SCHIP1: variants seen among roughly 807,000 people sequenced by gnomAD.
The protein encoded by SCHIP1 is schwannomin-interacting protein 1.
In SCHIP1, 8 loss-of-function variants were observed where a neutral mutation model predicts 29.7. The observed-to-expected ratio is 0.27, with a 90% CI of 0.16 to 0.49. SCHIP1 has a LOEUF of 0.49. Among genes scored for constraint, SCHIP1 ranks in the 20% least tolerant of loss-of-function variants. The pLI is 0.99. For synonymous variants in SCHIP1, 76 were observed against 94.9 expected (o/e 0.80, Z 1.16); for missense variants, 193 against 294.6 (o/e 0.66, Z 2.52).
the SCHIP1 span, among the ~76,000 whole-genome samples, chr3:159,578,681 TG>T: frequency 4.6e-5 from 7 of 152,174 alleles, no homozygotes; most frequent in Non-Finnish European, 4.4e-5. Context: ...TCTTTGGCTA[TG>T]GCCCCTTTTT....
the SCHIP1 span, among the ~76,000 whole-genome samples, chr3:159,296,827 G>A: frequency 6.6e-6 from 1 of 151,686 alleles, no homozygotes; most frequent in African/African-American, 2.4e-5. Flanking sequence ...AAACAATACA[G>A]CATTATTAAC....
chr3:159,549,270 T>C, the SCHIP1 span, among the ~76,000 whole-genome samples: 3 of 152,280 alleles, frequency 2.0e-5, no homozygotes, highest in East Asian at 5.8e-4. Context: ...CTGGTTGTCC[T>C]TAACTCCGTT....
the SCHIP1 span, among the ~76,000 whole-genome samples, chr3:159,819,285 G>A: frequency 3.3e-5 from 5 of 152,188 alleles, no homozygotes; most frequent in Non-Finnish European, 7.4e-5. Flanking sequence ...TGAAGCTGCT[G>A]TGCCTCTTTT....
At chr3:159,297,182 T>C in the SCHIP1 span, among the ~76,000 whole-genome samples, 40 of 151,102 alleles carry the variant, frequency 2.6e-4, no homozygotes, top group African/African-American at 9.1e-4. Context: ...AATCACCTTT[T>C]CTTTATCCAT....
chr3:159,680,727 TA>T, the SCHIP1 span, among the ~76,000 whole-genome samples: 2 of 92,904 alleles, frequency 2.2e-5, no homozygotes, highest in African/African-American at 9.1e-5. Flanking sequence ...TATGTATATA[TA>T]TAATATACAT....
chr3:159,556,611 C>T, the SCHIP1 span, among the ~76,000 whole-genome samples: 1 of 151,960 alleles, frequency 6.6e-6, no homozygotes, highest in African/African-American at 2.4e-5. Context: ...AGTTCATGTC[C>T]TTTGTAGGGA....
chr3:159,576,716 TCAACTCCCCGACTTATGCCCA>T, the SCHIP1 span, among the ~76,000 whole-genome samples: 2 of 152,142 alleles, frequency 1.3e-5, no homozygotes, highest in Non-Finnish European at 2.9e-5. Context: ...GGTCCCAGTT[TCAACTCCCCGACTTATGCCCA>T]CCTCCTGCAT....
At chr3:159,813,276 C>T in the SCHIP1 span, among the ~76,000 whole-genome samples, 1 of 152,148 alleles carries the variant, frequency 6.6e-6, no homozygotes, top group Admixed American at 6.5e-5. Flanking sequence ...CACAGTAACA[C>T]TGGAGCTTGG....
chr3:159,400,902 C>G, the SCHIP1 span, among the ~76,000 whole-genome samples: 1 of 152,132 alleles, frequency 6.6e-6, no homozygotes, highest in African/African-American at 2.4e-5. Flanking sequence ...CTTCTGTTAT[C>G]CTTGTTTCTT....
At chr3:159,679,740 C>T in the SCHIP1 span, among the ~76,000 whole-genome samples, 1 of 152,104 alleles carries the variant, frequency 6.6e-6, no homozygotes, top group South Asian at 2.1e-4. Flanking sequence ...AAGTGTGCCC[C>T]GCTGGCGCAC....
the SCHIP1 span, chr3:159,765,300 A>G: frequency 1.2e-6 from 1 of 820,860 alleles, no homozygotes; most frequent in Non-Finnish European, 1.8e-6. Context: ...TCCCCTGGGG[A>G]TAAGGTTGCT....
chr3:159,536,160 C>T, the SCHIP1 span, among the ~76,000 whole-genome samples: 1 of 152,262 alleles, frequency 6.6e-6, no homozygotes, highest in African/African-American at 2.4e-5. Flanking sequence ...TTCAATTATA[C>T]AACACAGTTC....
At chr3:159,616,927 T>C in the SCHIP1 span, among the ~76,000 whole-genome samples, 1 of 152,178 alleles carries the variant, frequency 6.6e-6, no homozygotes, top group African/African-American at 2.4e-5. Context: ...AATTAAAAAT[T>C]TAATTTTTCA....
intron 1 of SCHIP1, among the ~76,000 whole-genome samples, chr3:159,855,426 T>C (rs902249640): frequency 5.9e-5 from 9 of 152,162 alleles, no homozygotes; most frequent in African/African-American, 1.2e-4. Context: ...ATATTTTTCC[T>C]GTTTTGTTGG....
chr3:159,785,579 GTT>G, the SCHIP1 span, among the ~76,000 whole-genome samples: 1,556 of 138,942 alleles, frequency 0.011, 27 homozygotes, highest in African/African-American at 0.039. Flanking sequence ...AGTTTTGTTG[GTT>G]TTTTTTTTTT....
chr3:159,341,914 T>C, the SCHIP1 span, among the ~76,000 whole-genome samples: 119 of 152,310 alleles, frequency 7.8e-4, no homozygotes, highest in African/African-American at 2.6e-3. Flanking sequence ...ATAAACACTA[T>C]GTCAAGAATT....
the SCHIP1 span, among the ~76,000 whole-genome samples, chr3:159,597,418 TTTCTA>T: frequency 6.6e-6 from 1 of 152,124 alleles, no homozygotes; most frequent in African/African-American, 2.4e-5. Flanking sequence ...CTTTAACTCA[TTTCTA>T]TTCATGTTCC....
the SCHIP1 span, among the ~76,000 whole-genome samples, chr3:159,432,317 TGTGTGTGTGTGTGTGTGTGTGTGA>T: frequency 9.4e-6 from 1 of 106,064 alleles, no homozygotes; most frequent in Non-Finnish European, 2.3e-5. Context: ...TGTGTGTGTG[TGTGTGTGTGTGTGTGTGTGTGTGA>T]GAGAGAGAGA....
At chr3:159,793,462 A>G in the SCHIP1 span, among the ~76,000 whole-genome samples, 3 of 152,190 alleles carry the variant, frequency 2.0e-5, no homozygotes, top group African/African-American at 4.8e-5. Flanking sequence ...TTGGCGGGTT[A>G]AAACAATACA....
Sources: allele counts gnomAD v4.1 joint callset (sites outside exome capture counted in the v4.1 genomes callset), GRCh38; gene constraint gnomAD v4.1.1; transcripts MANE v1.5; gene names NCBI Gene and HGNC (gene_info 2026-07-23, HGNC 2026-07-21).